Variants in KDM2B observed in about 807,000 individuals in gnomAD.
KDM2B encodes lysine-specific demethylase 2B.
KDM2B carries 26 observed loss-of-function variants against 150.0 expected under a neutral mutation model. The observed-to-expected ratio is 0.17, with a 90% confidence interval of 0.13 to 0.24. The LOEUF is 0.24. KDM2B is among the 10% of genes least tolerant of loss of function. KDM2B has a pLI of 1.00. For synonymous variants in KDM2B, 734 were observed against 729.5 expected (o/e 1.01, Z -0.10); for missense variants, 1,265 against 1,816.9 (o/e 0.70, Z 5.52).
intron 6 of KDM2B, among the ~76,000 whole-genome samples, chr12:121,544,484 C>T (rs1555310311): frequency 6.6e-6 from 1 of 151,772 alleles, no homozygotes; most frequent in Non-Finnish European, 1.5e-5. Context: ...TTGGTGCACA[C>T]CTGTAGTCCC....
intron 2 of KDM2B, among the ~76,000 whole-genome samples, chr12:121,578,072 C>T (rs1213831983): frequency 6.6e-6 from 1 of 152,168 alleles, no homozygotes; most frequent in Non-Finnish European, 1.5e-5. Context: ...AGACCCATTT[C>T]CTCACTTCAA....
intron 12 of KDM2B, among the ~76,000 whole-genome samples, chr12:121,485,207 G>C (rs1180054792): frequency 6.6e-6 from 1 of 152,108 alleles, no homozygotes; most frequent in Non-Finnish European, 1.5e-5. Context: ...TAATACACAA[G>C]GGAGTGCTGT....
At position 121,534,185 on chromosome 12, in the gene KDM2B, TA is replaced by T. The variant is rs557915898; in HGVS notation, c.777+311del. On this transcript the variant is annotated intron_variant, in intron 7 of 22. Coordinates refer to ENST00000377071, the MANE Select transcript of KDM2B (RefSeq NM_032590.5). ...TAACACGGTGAAACCCCGTCTCTAC[TA>T]AAAATACAAAAAATTAGCAGGGCGT... is the stretch of plus-strand genomic sequence containing the variant. 5.2e-4 allele frequency among the ~76,000 whole-genome samples: 79 copies of T among 152,014 alleles called. 1 individual carries two copies. The East Asian group carries it at 0.014, about 26-fold the overall frequency.
intron 11 of KDM2B, among the ~76,000 whole-genome samples, chr12:121,496,318 C>T (rs1883930102): frequency 6.6e-6 from 1 of 152,012 alleles, no homozygotes; most frequent in South Asian, 2.1e-4. Flanking sequence ...TTGAATTGTA[C>T]AAAAACATTT....
At chr12:121,564,406 C>T (rs1036302592) in intron 4 of KDM2B, among the ~76,000 whole-genome samples, 3 of 151,828 alleles carry the variant, frequency 2.0e-5, no homozygotes, top group Admixed American at 1.3e-4. Context: ...TGCAGTGAGC[C>T]GAGATGGCGC....
At position 121,513,929 on chromosome 12, in the gene KDM2B, C is replaced by A. The variant is rs1199450973; in HGVS notation, c.1048-527G>T. 2.6e-5 allele frequency among the ~76,000 whole-genome samples: 4 copies of A among 152,048 alleles called. No homozygotes were observed. The highest frequency in any genetic ancestry group is 5.9e-5 in the Non-Finnish European group (4 of 67,996). On this transcript the variant is annotated intron_variant, in intron 9 of 22. Coordinates refer to ENST00000377071, the MANE Select transcript of KDM2B (RefSeq NM_032590.5). This position sits in a 1 kb window ranked among gnomAD's most constrained non-coding sequence, Gnocchi z 5.0. Reference sequence around the variant, plus strand: ...TGGGAGGGAGGCCAGGCCAGCGGACCAATAAGAGTGAGGGGGTGTGGCCTC... The same window carrying A: ...TGGGAGGGAGGCCAGGCCAGCGGACAAATAAGAGTGAGGGGGTGTGGCCTC...
In KDM2B at chr12:121,490,133, G is replaced by A. The variant is rs192419261; in HGVS notation, c.1734+4446C>T. ...GACCCCAGACGGAGCAGGCCTCTGG[G>A]ATGGAACGGACCAACTTCGGAGGAA... is the stretch of plus-strand genomic sequence containing the variant. On this transcript the variant is annotated intron_variant, in intron 12 of 22. Coordinates refer to ENST00000377071, the MANE Select transcript of KDM2B (RefSeq NM_032590.5). Among the ~76,000 whole-genome samples the A allele has an allele frequency of 4.7e-4, 72 of 152,330 alleles. 3 individuals carry two copies. The East Asian group carries it at 0.011, about 24-fold the overall frequency.
At chr12:121,556,784 G>C (rs1421217051) in intron 4 of KDM2B, among the ~76,000 whole-genome samples, 1 of 151,736 alleles carries the variant, frequency 6.6e-6, no homozygotes, top group East Asian at 1.9e-4. Context: ...TCCAGGAAGC[G>C]GAGGTTGCAG....
At chr12:121,551,853 T>C (rs1889529130) in intron 4 of KDM2B, among the ~76,000 whole-genome samples, 1 of 151,878 alleles carries the variant, frequency 6.6e-6, no homozygotes, top group South Asian at 2.1e-4. Flanking sequence ...GCGCCCAGCA[T>C]GACAGGGTTT....
In KDM2B at chr12:121,549,358, C is replaced by T; in HGVS notation, c.576+102G>A. The T allele has an allele frequency of 3.6e-6, 4 of 1,123,448 alleles. No homozygotes were observed. Among genetic ancestry groups the T allele is most frequent in the Non-Finnish European group, 5.1e-6 (4 of 786,368 alleles). 69.6% of individuals were successfully genotyped at this position (1,123,448 alleles called of 1,614,324 possible). On this transcript the variant is annotated intron_variant, in intron 5 of 22. Transcript: ENST00000377071. This position sits in a 1 kb window ranked among gnomAD's most constrained non-coding sequence, Gnocchi z 4.4. ...TGCCTGCCAAGCCCAGCCAGCCACA[C>T]CCACATGAGCCTTTTTGCAAGGCAC...
rs1875214972 is a variant in KDM2B at position 121,442,138 on chromosome 12, T to C, written c.3284+19A>G. 6.2e-7 allele frequency: 1 copy of C among 1,611,124 alleles called. No homozygotes were observed. The highest frequency in any genetic ancestry group is 8.5e-7 in the Non-Finnish European group (1 of 1,178,052). ...CCGCCTGAGCCTTAACCTAGAGCCC[T>C]ACACAGGCCGCCGCTCACCAGCGGT... is the stretch of plus-strand genomic sequence containing the variant. On this transcript the variant is annotated intron_variant, in intron 19 of 22. Coordinates refer to ENST00000377071, the MANE Select transcript of KDM2B (RefSeq NM_032590.5). This position sits in a 1 kb window ranked among gnomAD's most constrained non-coding sequence, Gnocchi z 7.7.
rs1193398627 is a variant in KDM2B at position 121,500,103 on chromosome 12, G to T, written c.1648-5438C>A. On this transcript the variant is annotated intron_variant, in intron 11 of 22. Coordinates refer to ENST00000377071, the MANE Select transcript of KDM2B (RefSeq NM_032590.5). ...GCCCTGGGCTCTGTCCCTCAGGGAAGAATTTTCATTTGTGTATGACAGGCT... is the reference window on the plus strand; with the variant it reads ...GCCCTGGGCTCTGTCCCTCAGGGAATAATTTTCATTTGTGTATGACAGGCT... Among the ~76,000 whole-genome samples the T allele has an allele frequency of 2.0e-5, 3 of 152,178 alleles. No individual in the cohort carries two copies. The East Asian group carries it at 5.8e-4, about 29-fold the overall frequency.
At chr12:121,420,417 A>G in the KDM2B span, 35 of 1,551,666 alleles carry the variant, frequency 2.3e-5, no homozygotes, top group Non-Finnish European at 3.0e-5. Flanking sequence ...TCGCTAGATT[A>G]GTACAGGATG....
In KDM2B at chr12:121,537,292, T is replaced by C. The variant is rs142487663; in HGVS notation, c.684-2702A>G. On this transcript the variant is annotated intron_variant, in intron 6 of 22. Coordinates refer to ENST00000377071, the MANE Select transcript of KDM2B (RefSeq NM_032590.5). The surrounding 1 kb of genome is among the most constrained non-coding windows in gnomAD (Gnocchi z 8.7). ...GCTGGTTTGCTCGCTCGCTCTGGCG[T>C]GACGCCTTTGCACTGACCTCTGCAG... is the stretch of plus-strand genomic sequence containing the variant. 1,012 of 152,812 alleles carry C rather than the reference T, an allele frequency of 6.6e-3. 7 individuals carry two copies. Among genetic ancestry groups the C allele is most frequent in the Non-Finnish European group, 0.011 (751 of 68,514 alleles). 9.5% of individuals were successfully genotyped at this position (152,812 alleles called of 1,614,324 possible).
At position 121,562,415 on chromosome 12, in the gene KDM2B, C is replaced by T. The variant is rs149921337; in HGVS notation, c.397+12132G>A. Among the ~76,000 whole-genome samples, 8 of 152,100 alleles carry T rather than the reference C, an allele frequency of 5.3e-5. No individual in the cohort carries two copies. The East Asian group carries it at 7.7e-4, about 15-fold the overall frequency. On this transcript the variant is annotated intron_variant, in intron 4 of 22. Coordinates refer to ENST00000377071, the MANE Select transcript of KDM2B (RefSeq NM_032590.5). ...AGGAGAATCATTTGAACCTGGGAGG[C>T]GGAAGTTGCAGTGAGCTGAGATGGG...
rs185706132 is a variant in KDM2B, at chr12:121,476,422, C to T, written c.1734+18157G>A. On this transcript the variant is annotated intron_variant, in intron 12 of 22. Coordinates refer to ENST00000377071, the MANE Select transcript of KDM2B (RefSeq NM_032590.5). ...AGTGAGCTATGATCACGCCACTGCA[C>T]TCCACCCTGGGTGACCGAACAAGAC... 2.0e-5 allele frequency among the ~76,000 whole-genome samples: 3 copies of T among 151,988 alleles called. No homozygotes were observed. The East Asian group carries it at 5.8e-4, about 29-fold the overall frequency.
At chr12:121,482,403 A>G (rs1405903515) in intron 12 of KDM2B, among the ~76,000 whole-genome samples, 4 of 152,034 alleles carry the variant, frequency 2.6e-5, no homozygotes, top group Admixed American at 2.0e-4. Flanking sequence ...CCTGGGTTCA[A>G]GCAATTCTCC....
chr12:121,493,105 A>G (rs370208621), intron 12 of KDM2B, among the ~76,000 whole-genome samples: 2 of 108,074 alleles, frequency 1.9e-5, no homozygotes, highest in African/African-American at 7.7e-5. Context: ...ATGAGTTCTC[A>G]TTATGTTACC....
At chr12:121,524,519 G>A (rs1555306445) in intron 8 of KDM2B, among the ~76,000 whole-genome samples, 4 of 152,140 alleles carry the variant, frequency 2.6e-5, no homozygotes, top group Admixed American at 6.5e-5. Context: ...ACTCCCCTTC[G>A]CAGCCAGGGC....
Sources: gnomAD v4.1 joint callset for allele counts (sites outside exome capture counted in the v4.1 genomes callset) on GRCh38, gnomAD v4.1.1 for gene constraint, Gnocchi (gnomAD v3.1) non-coding constraint, MANE v1.5 for transcripts, NCBI Gene and HGNC (gene_info 2026-07-23, HGNC 2026-07-21) for gene names.